RHBDD1: variants seen among roughly 807,000 people sequenced by gnomAD.
RHBDD1 encodes the protein rhomboid domain containing 1.
RHBDD1 carries 38 observed loss-of-function variants against 36.3 expected under a neutral mutation model. The ratio of observed to expected loss-of-function variants is 1.05; its 90% CI spans 0.81 to 1.37. The LOEUF (loss-of-function observed/expected upper bound fraction) is 1.37. Ranked by LOEUF, RHBDD1 falls within the 40% of genes most tolerant of loss-of-function variation. The pLI is 0.00. For missense variants in RHBDD1, 393 were observed against 377.6 expected (o/e 1.04, Z -0.34); for synonymous variants, 151 against 136.5 (o/e 1.11, Z -0.74).
Position 226,872,374 on chromosome 2 carries a change from A to G in RHBDD1, c.566+5056A>G, listed in dbSNP as rs567830019. The stretch of plus-strand genomic sequence containing the variant: ...TATTTTCCCCGACAGGTTTTGCTGC[A>G]TGCTTTCTGATCTCTTTTTCATATG... On this transcript the variant is annotated intron_variant, in intron 5 of 8. Coordinates refer to ENST00000392062, the MANE Select transcript of RHBDD1 (RefSeq NM_001167608.3). Among the ~76,000 whole-genome samples the G allele has an allele frequency of 7.9e-5, 12 of 152,332 alleles. No homozygotes were observed. The East Asian group carries it at 2.3e-3, about 29-fold the overall frequency.
chr2:226,880,944 T>C (rs1945672611), intron 5 of RHBDD1, among the ~76,000 whole-genome samples: 1 of 152,184 alleles, frequency 6.6e-6, no homozygotes, highest in African/African-American at 2.4e-5. Context: ...AAACTGCCTG[T>C]ATTAATTCAT....
At chr2:226,806,612 A>G in the RHBDD1 span, among the ~76,000 whole-genome samples, 5 of 152,208 alleles carry the variant, frequency 3.3e-5, no homozygotes, top group East Asian at 7.7e-4. Flanking sequence ...ATACATTTAT[A>G]AACACATTGA....
intron 8 of RHBDD1, among the ~76,000 whole-genome samples, chr2:226,920,925 T>C (rs1559273550): frequency 6.6e-6 from 1 of 152,162 alleles, no homozygotes; most frequent in Non-Finnish European, 1.5e-5. Context: ...ATAGTTTGTG[T>C]TGGATTGGTA....
chr2:226,829,016 A>G, the RHBDD1 span, among the ~76,000 whole-genome samples: 1 of 152,176 alleles, frequency 6.6e-6, no homozygotes, highest in Non-Finnish European at 1.5e-5. Flanking sequence ...TAGAAATTTT[A>G]TAGTTTTAGC....
At chr2:226,800,250 T>C in the RHBDD1 span, 12 of 152,270 alleles carry the variant, frequency 7.9e-5, no homozygotes, top group Admixed American at 6.5e-4. Flanking sequence ...GAGGGAGGTT[T>C]CTAGTCAAGG....
intron 8 of RHBDD1, among the ~76,000 whole-genome samples, chr2:226,984,093 A>T (rs762733197): frequency 7.2e-5 from 11 of 152,122 alleles, no homozygotes; most frequent in Non-Finnish European, 1.3e-4. Flanking sequence ...CCCAAGAAAG[A>T]TGTGCTTTCT....
chr2:226,990,194 G>GT (rs1208741376), intron 8 of RHBDD1, among the ~76,000 whole-genome samples: 2 of 152,178 alleles, frequency 1.3e-5, no homozygotes, highest in East Asian at 3.8e-4. Context: ...TAGACCTGGG[G>GT]TCCCTTCAGG....
At chr2:226,806,646 C>G in the RHBDD1 span, among the ~76,000 whole-genome samples, 145 of 152,296 alleles carry the variant, frequency 9.5e-4, no homozygotes, top group Middle Eastern at 0.014. Flanking sequence ...CACACACACT[C>G]AGACTCACTT....
At chr2:226,988,721 T>C in intron 8 of RHBDD1, 2 of 931,930 alleles carry the variant, frequency 2.1e-6, no homozygotes, top group South Asian at 9.9e-5. Context: ...TATACATAGA[T>C]ATAGATATAT....
chr2:226,950,328 A>G (rs923702895), intron 8 of RHBDD1, among the ~76,000 whole-genome samples: 2 of 152,082 alleles, frequency 1.3e-5, no homozygotes, highest in African/African-American at 4.8e-5. Context: ...TATTTAATGT[A>G]TTGTCCTCCA....
At chr2:226,994,617 T>C (rs1959005876) in intron 8 of RHBDD1, among the ~76,000 whole-genome samples, 1 of 152,200 alleles carries the variant, frequency 6.6e-6, no homozygotes, top group South Asian at 2.1e-4. Context: ...CCCGTATCTA[T>C]CAGTGATGTG....
At chr2:226,990,768 T>C (rs1037013537) in intron 8 of RHBDD1, among the ~76,000 whole-genome samples, 1 of 152,198 alleles carries the variant, frequency 6.6e-6, no homozygotes, top group Non-Finnish European at 1.5e-5. Context: ...TAAATCATCT[T>C]AACACGGGAA....
At chr2:226,852,383 T>C (rs1179054479) in intron 3 of RHBDD1, among the ~76,000 whole-genome samples, 3 of 152,204 alleles carry the variant, frequency 2.0e-5, no homozygotes, top group Non-Finnish European at 4.4e-5. Flanking sequence ...GACTCTAGAA[T>C]ACCTAAAGTG....
At chr2:226,828,415 T>C in the RHBDD1 span, among the ~76,000 whole-genome samples, 3 of 152,258 alleles carry the variant, frequency 2.0e-5, no homozygotes. Flanking sequence ...ATATGTTTCA[T>C]TTCTCTTGGG....
chr2:226,813,911 G>A, the RHBDD1 span, among the ~76,000 whole-genome samples: 1 of 152,144 alleles, frequency 6.6e-6, no homozygotes, highest in African/African-American at 2.4e-5. Flanking sequence ...AATTTCATAT[G>A]TAAAAAAGGG....
the RHBDD1 span, chr2:226,800,368 CT>C: frequency 6.6e-6 from 1 of 152,324 alleles, no homozygotes; most frequent in Admixed American, 6.5e-5. Context: ...CTGGGCCAGC[CT>C]TCCACCTTGG....
chr2:226,928,869 G>A (rs1949837912), intron 8 of RHBDD1, among the ~76,000 whole-genome samples: 1 of 151,982 alleles, frequency 6.6e-6, no homozygotes, highest in Non-Finnish European at 1.5e-5. Flanking sequence ...AGATTACTGT[G>A]AACACCTCTA....
chr2:226,964,267 A>G (rs1020751754), intron 8 of RHBDD1, among the ~76,000 whole-genome samples: 3 of 152,176 alleles, frequency 2.0e-5, no homozygotes, highest in African/African-American at 7.2e-5. Flanking sequence ...TAGTCCAATA[A>G]AACAGTTCTA....
intron 8 of RHBDD1, among the ~76,000 whole-genome samples, chr2:226,953,811 G>A (rs934885952): frequency 1.3e-5 from 2 of 152,096 alleles, no homozygotes; most frequent in African/African-American, 4.8e-5. Context: ...GGGTTCCAGC[G>A]ATCATTTTGG....
Sources: gnomAD v4.1 joint callset for allele counts (sites outside exome capture counted in the v4.1 genomes callset) on GRCh38, gnomAD v4.1.1 for gene constraint, MANE v1.5 for transcripts, NCBI Gene and HGNC (gene_info 2026-07-23, HGNC 2026-07-21) for gene names.